PCNX2: variants seen among roughly 807,000 people sequenced by gnomAD.
PCNX2 encodes the protein pecanex 2.
Under a neutral mutation model 223.8 loss-of-function variants are expected in PCNX2, and 168 were observed. That is an observed-to-expected ratio of 0.75 (90% CI 0.66 to 0.85). The LOEUF (loss-of-function observed/expected upper bound fraction) is 0.85, where lower values mean the gene tolerates loss of function less well. Among genes scored for constraint, PCNX2 ranks in the 40% least tolerant of loss-of-function variants. PCNX2 has a pLI of 0.00. For missense variants in PCNX2, 2,507 were observed against 2,675.5 expected (o/e 0.94, Z 1.39); for synonymous variants, 1,006 against 1,052.6 (o/e 0.96, Z 0.86).
chr1:233,266,557 G>C (rs1156431254), intron 1 of PCNX2, among the ~76,000 whole-genome samples: 1 of 152,134 alleles, frequency 6.6e-6, no homozygotes, highest in African/African-American at 2.4e-5. Context: ...CTAGCTTCCA[G>C]TATTTTCTCT....
chr1:233,180,685 G>C (rs1679739609), intron 15 of PCNX2: 1 of 152,112 alleles, frequency 6.6e-6, no homozygotes, highest in Admixed American at 6.5e-5. Context: ...CATTTTCCTA[G>C]AAATTAAAAT....
In PCNX2 at chr1:233,262,106, G is replaced by A. The variant is rs1660084153; in HGVS notation, c.419C>T (p.Pro140Leu). 2 of 1,613,906 alleles carry A rather than the reference G, an allele frequency of 1.2e-6. No homozygotes were observed. Among genetic ancestry groups the A allele is most frequent in the Non-Finnish European group, 1.7e-6 (2 of 1,179,820 alleles). The change falls in exon 3 of 34, where the codon CCT becomes CTT. Residue 140 changes from proline to leucine, a missense_variant. Transcript: ENST00000258229. ...CCCTCTGGAGCTGCAGCGGAGGGGA[G>A]GCGTGGAGAGGTTTCGACTGGCCTC... ...KEEASRNLST[P>L]PLRCSSRGQS...
At chr1:233,244,392 A>G (rs73111109) in intron 8 of PCNX2, among the ~76,000 whole-genome samples, 1,900 of 152,248 alleles carry the variant, frequency 0.012, 33 homozygotes, top group African/African-American at 0.043. Flanking sequence ...AGACAGGGAA[A>G]ATTGTTTCCT....
At chr1:233,006,543 CAG>C (rs920293901) in intron 28 of PCNX2, among the ~76,000 whole-genome samples, 1 of 152,138 alleles carries the variant, frequency 6.6e-6, no homozygotes, top group Non-Finnish European at 1.5e-5. Context: ...CCTGCTTTTT[CAG>C]AGAGACAGAG....
intron 24 of PCNX2, chr1:233,054,705 C>G: frequency 2.2e-6 from 1 of 455,282 alleles, no homozygotes; most frequent in Non-Finnish European, 3.9e-6. Flanking sequence ...TAAGCAGCAT[C>G]GATTTATATA....
At chr1:233,008,225 G>T (rs1670351955) in intron 28 of PCNX2, among the ~76,000 whole-genome samples, 1 of 152,162 alleles carries the variant, frequency 6.6e-6, no homozygotes, top group Non-Finnish European at 1.5e-5. Flanking sequence ...ACCTTTGGTT[G>T]GGATCCCAGC....
intron 26 of PCNX2, among the ~76,000 whole-genome samples, chr1:233,020,418 C>T (rs796527676): frequency 1.5e-4 from 23 of 152,334 alleles, no homozygotes; most frequent in African/African-American, 4.1e-4. Flanking sequence ...AAACATAAAT[C>T]GGGGCAGTGA....
At chr1:233,279,389 TTGTGTGTGTG>T (rs57288356) in intron 1 of PCNX2, among the ~76,000 whole-genome samples, 80 of 142,674 alleles carry the variant, frequency 5.6e-4, no homozygotes, top group African/African-American at 1.5e-3. Flanking sequence ...TAATTTGTGT[TTGTGTGTGTG>T]TGTGTGTGTG....
intron 15 of PCNX2, among the ~76,000 whole-genome samples, chr1:233,188,374 T>A (rs2102874014): frequency 6.6e-6 from 1 of 152,284 alleles, no homozygotes; most frequent in South Asian, 2.1e-4. Flanking sequence ...CAGCAGTTAA[T>A]AACCTGGCCG....
intron 27 of PCNX2, among the ~76,000 whole-genome samples, chr1:233,015,898 T>G (rs1171939365): frequency 7.2e-6 from 1 of 139,202 alleles, no homozygotes; most frequent in Non-Finnish European, 1.6e-5. Flanking sequence ...AAGTCAGCTT[T>G]AAAAAAAAAA....
chr1:233,130,788 C>A (rs1016148282), intron 21 of PCNX2, among the ~76,000 whole-genome samples: 15 of 151,704 alleles, frequency 9.9e-5, no homozygotes, highest in Non-Finnish European at 2.1e-4. Context: ...CGGCACCCCC[C>A]CCTTTTTTTT....
the PCNX2 span, among the ~76,000 whole-genome samples, chr1:233,325,343 T>C: frequency 1.9e-3 from 296 of 151,818 alleles, no homozygotes; most frequent in Middle Eastern, 0.01. Context: ...GTGGTGAAAA[T>C]AGCAAGCGAA....
intron 1 of PCNX2, among the ~76,000 whole-genome samples, chr1:233,268,936 T>C (rs546920218): frequency 7.9e-5 from 12 of 152,306 alleles, no homozygotes; most frequent in African/African-American, 2.6e-4. Flanking sequence ...GTGGCTCCTA[T>C]ACTGCAAGGC....
chr1:233,256,049 A>T (rs1435336089), intron 5 of PCNX2, among the ~76,000 whole-genome samples: 2 of 152,094 alleles, frequency 1.3e-5, no homozygotes, highest in Non-Finnish European at 1.5e-5. Flanking sequence ...ATTTATTCCA[A>T]CTCCTCCCTT....
intron 32 of PCNX2, among the ~76,000 whole-genome samples, chr1:232,995,568 T>A (rs981360218): frequency 6.6e-6 from 1 of 152,082 alleles, no homozygotes; most frequent in African/African-American, 2.4e-5. Context: ...ATTAGGAATG[T>A]TGCTGGGGGG....
intron 9 of PCNX2, chr1:233,231,653 G>C (rs1447506148): frequency 1.0e-6 from 1 of 984,942 alleles, no homozygotes; most frequent in Non-Finnish European, 1.2e-6. Context: ...AGAAGGAGTA[G>C]AAGAGTGAAC....
At chr1:233,052,609 C>T (rs532588615) in intron 25 of PCNX2, among the ~76,000 whole-genome samples, 1 of 152,148 alleles carries the variant, frequency 6.6e-6, no homozygotes, top group African/African-American at 2.4e-5. Flanking sequence ...TCATTTCATG[C>T]GATACTCATT....
At chr1:233,129,267 G>A (rs911244743) in intron 21 of PCNX2, among the ~76,000 whole-genome samples, 1 of 152,236 alleles carries the variant, frequency 6.6e-6, no homozygotes, top group Admixed American at 6.5e-5. Flanking sequence ...GCTGCAGAGG[G>A]TGCGCTGGGT....
Position 233,236,987 on chromosome 1 carries a change from A to G in PCNX2, c.2223-7T>C. 6.2e-7 allele frequency: 1 copy of G among 1,613,712 alleles called. No individual in the cohort carries two copies. The highest frequency in any genetic ancestry group is 8.5e-7 in the Non-Finnish European group (1 of 1,179,770). On this transcript the variant is annotated splice_polypyrimidine_tract_variant and splice_region_variant and intron_variant, in intron 8 of 33. Coordinates refer to ENST00000258229, the MANE Select transcript of PCNX2 (RefSeq NM_014801.4). Reference sequence around the variant, plus strand: ...GGAGCTGACCTGCATCTCTCTGAGGATGGGCAAAACAAAAGCTTTGGTTAC... The same window carrying G: ...GGAGCTGACCTGCATCTCTCTGAGGGTGGGCAAAACAAAAGCTTTGGTTAC...
Sources: allele counts gnomAD v4.1 joint callset (sites outside exome capture counted in the v4.1 genomes callset), GRCh38; gene constraint gnomAD v4.1.1; transcripts MANE v1.5; gene names NCBI Gene and HGNC (gene_info 2026-07-23, HGNC 2026-07-21).